ALDH1A2: variants seen among roughly 807,000 people sequenced by gnomAD.
ALDH1A2 encodes the protein retinal dehydrogenase 2.
A neutral mutation model predicts 60.3 loss-of-function variants in ALDH1A2; 27 were observed. That is an observed-to-expected ratio of 0.45 (90% CI 0.33 to 0.62). The LOEUF (loss-of-function observed/expected upper bound fraction) is 0.62, where lower values mean the gene tolerates loss of function less well. Ranked by LOEUF, ALDH1A2 falls within the 20% of genes least tolerant of loss-of-function variation. The pLI is 0.02. For missense variants in ALDH1A2, 581 were observed against 643.8 expected (o/e 0.90, Z 1.06); for synonymous variants, 289 against 232.4 (o/e 1.24, Z -2.21).
chr15:57,987,233 G>A (rs79795430), intron 7 of ALDH1A2, among the ~76,000 whole-genome samples: 2,309 of 151,758 alleles, frequency 0.015, 60 homozygotes, highest in African/African-American at 0.053. Flanking sequence ...AACAGAAGGC[G>A]GAAGTAGAAA....
chr15:57,967,603 G>C (rs1233664626), intron 7 of ALDH1A2, among the ~76,000 whole-genome samples: 1 of 152,142 alleles, frequency 6.6e-6, no homozygotes, highest in African/African-American at 2.4e-5. Context: ...TCCTAAAAAA[G>C]ATTTTGAAAA....
chr15:58,039,359 G>A (rs1010182868), intron 1 of ALDH1A2, among the ~76,000 whole-genome samples: 15 of 151,462 alleles, frequency 9.9e-5, no homozygotes, highest in African/African-American at 2.9e-4. Context: ...TATATAACCC[G>A]TCCTAAACAC....
chr15:58,007,270 G>C (rs926620425), intron 4 of ALDH1A2, among the ~76,000 whole-genome samples: 4 of 151,834 alleles, frequency 2.6e-5, no homozygotes, highest in Non-Finnish European at 5.9e-5. Context: ...TTCAGTGTTC[G>C]TGACAACTTT....
intron 7 of ALDH1A2, among the ~76,000 whole-genome samples, chr15:57,975,483 AG>A (rs1486028416): frequency 6.6e-6 from 1 of 152,212 alleles, no homozygotes; most frequent in Non-Finnish European, 1.5e-5. Flanking sequence ...TATACTTACC[AG>A]TTGAGCACCC....
intron 1 of ALDH1A2, among the ~76,000 whole-genome samples, chr15:58,016,434 G>A (rs749157761): frequency 5.9e-5 from 9 of 152,006 alleles, no homozygotes; most frequent in Non-Finnish European, 8.8e-5. Context: ...CACTGCACCC[G>A]GCCCCAAGTT....
At chr15:58,057,908 A>G (rs1896936758) in intron 1 of ALDH1A2, 4 of 539,942 alleles carry the variant, frequency 7.4e-6, no homozygotes, top group Non-Finnish European at 1.1e-5. Context: ...AGCCAAAAAT[A>G]AAAATGACCC....
intron 4 of ALDH1A2, among the ~76,000 whole-genome samples, chr15:58,009,361 G>C (rs894660177): frequency 6.6e-6 from 1 of 151,928 alleles, no homozygotes; most frequent in African/African-American, 2.4e-5. Flanking sequence ...TGATTCATGA[G>C]CACATTAAAT....
In ALDH1A2 at chr15:58,029,929, TCA is replaced by T. The variant is rs1358240992; in HGVS notation, c.118-15650_118-15649del. On this transcript the variant is annotated intron_variant, in intron 1 of 12. Coordinates refer to ENST00000249750, the MANE Select transcript of ALDH1A2 (RefSeq NM_003888.4). Reference sequence around the variant, plus strand: ...CCAAAAAGTCCAGGACCAGATGGAATCACAGTGCAATTCTAACAGAGGTACAA... The same window carrying T: ...CCAAAAAGTCCAGGACCAGATGGAATCAGTGCAATTCTAACAGAGGTACAA... Among the ~76,000 whole-genome samples the T allele has an allele frequency of 4.6e-5, 7 of 152,266 alleles. No homozygotes were observed. In the East Asian group the frequency reaches 1.4e-3, roughly 29 times the overall value.
At chr15:57,977,502 G>A (rs1442620148) in intron 7 of ALDH1A2, among the ~76,000 whole-genome samples, 17 of 152,152 alleles carry the variant, frequency 1.1e-4, no homozygotes, top group African/African-American at 4.1e-4. Flanking sequence ...TGTTAGGTTT[G>A]TCAAAGATCA....
chr15:57,967,158 C>G (rs1346474982), intron 7 of ALDH1A2, among the ~76,000 whole-genome samples: 4 of 149,580 alleles, frequency 2.7e-5, no homozygotes, highest in African/African-American at 7.4e-5. Context: ...GCTCTGGAGC[C>G]AGACTGCCTG....
At chr15:57,994,640 G>A (rs945154807) in intron 5 of ALDH1A2, among the ~76,000 whole-genome samples, 1 of 152,102 alleles carries the variant, frequency 6.6e-6, no homozygotes, top group Admixed American at 6.6e-5. Context: ...TGTGTCTTCT[G>A]TAGCATCTTC....
At position 57,987,881 on chromosome 15, in the gene ALDH1A2, C is replaced by CA. The variant is rs34307559; in HGVS notation, c.798+4823dup. ...CTGAGCGACAGTGAGGCTGACCCCT[C>CA]AAAAAAAAAAAAAAAAAAAGGTGAA... On this transcript the variant is annotated intron_variant, in intron 7 of 12. Transcript: ENST00000249750. Among the ~76,000 whole-genome samples, 874 of 92,170 alleles carry CA rather than the reference C, an allele frequency of 9.5e-3. 11 individuals are homozygous for CA. The highest frequency in any genetic ancestry group is 0.064 in the South Asian group (155 of 2,418). 60.5% of individuals were successfully genotyped at this position (92,170 alleles called of 152,430 possible). A position where few individuals can be genotyped will look rare whatever the true frequency, so the allele number is the denominator to read the frequency against.
intron 7 of ALDH1A2, among the ~76,000 whole-genome samples, chr15:57,971,351 T>C (rs1405496736): frequency 6.6e-6 from 1 of 152,246 alleles, no homozygotes; most frequent in Non-Finnish European, 1.5e-5. Context: ...CACAGTGCTA[T>C]GTACGTAACT....
intron 1 of ALDH1A2, among the ~76,000 whole-genome samples, chr15:58,039,768 G>A (rs911424051): frequency 1.3e-5 from 2 of 151,732 alleles, no homozygotes; most frequent in Non-Finnish European, 2.9e-5. Context: ...GAAGGGAGGA[G>A]CTGAAAAGAG....
At chr15:58,056,040 G>T (rs563731057) in intron 1 of ALDH1A2, among the ~76,000 whole-genome samples, 1 of 152,058 alleles carries the variant, frequency 6.6e-6, no homozygotes, top group South Asian at 2.1e-4. Flanking sequence ...GAGACACAGC[G>T]CGAGCGCACA....
intron 1 of ALDH1A2, 101 bp from the exon 2 acceptor site, chr15:58,014,382 A>T (rs1349464684): frequency 1.1e-6 from 1 of 904,268 alleles, no homozygotes; most frequent in Non-Finnish European, 1.8e-6. Context: ...CACTTGTTGT[A>T]TAATAAAAGT....
chr15:58,014,648 C>T (rs1595667973), intron 1 of ALDH1A2: 2 of 417,070 alleles, frequency 4.8e-6, no homozygotes, highest in Non-Finnish European at 4.7e-6. Flanking sequence ...ATCAAACTTA[C>T]AGTCATCAAG....
At chr15:58,038,218 CT>C (rs1344450770) in intron 1 of ALDH1A2, among the ~76,000 whole-genome samples, 1 of 151,588 alleles carries the variant, frequency 6.6e-6, no homozygotes, top group African/African-American at 2.4e-5. Context: ...TTGCTGGAGT[CT>C]CCTTAAATTT....
chr15:57,964,206 G>T, intron 8 of ALDH1A2, 137 bp from the exon 9 acceptor site: 1 of 848,638 alleles, frequency 1.2e-6, no homozygotes, highest in South Asian at 1.6e-5. Flanking sequence ...CCCTGGATTG[G>T]GAATGCAACT....
Sources: gnomAD v4.1 joint callset for allele counts (sites outside exome capture counted in the v4.1 genomes callset) on GRCh38, gnomAD v4.1.1 for gene constraint, MANE v1.5 for transcripts, NCBI Gene and HGNC (gene_info 2026-07-23, HGNC 2026-07-21) for gene names.